SEL1L: variants seen among roughly 807,000 people sequenced by gnomAD.
SEL1L encodes the protein protein sel-1 homolog 1.
In SEL1L, 52 loss-of-function variants were observed where a neutral mutation model predicts 109.8. That is an observed-to-expected ratio of 0.47 (90% CI 0.38 to 0.60). The LOEUF (loss-of-function observed/expected upper bound fraction) is 0.60, where lower values mean the gene tolerates loss of function less well. Ranked by LOEUF, SEL1L falls within the 20% of genes least tolerant of loss-of-function variation. The pLI is 0.00. For missense variants in SEL1L, 749 were observed against 962.2 expected, an observed-to-expected ratio of 0.78 and a Z score of 2.93; for synonymous variants, 373 against 339.6, an observed-to-expected ratio of 1.10 and a Z score of -1.08.
At chr14:81,509,879 T>C (rs879487714) in intron 3 of SEL1L, among the ~76,000 whole-genome samples, 3 of 152,210 alleles carry the variant, frequency 2.0e-5, no homozygotes, top group Non-Finnish European at 2.9e-5. Flanking sequence ...AGAATACTTG[T>C]ACAGTATCCT....
intron 6 of SEL1L, among the ~76,000 whole-genome samples, chr14:81,502,322 T>G (rs1884049075): frequency 6.6e-6 from 1 of 152,186 alleles, no homozygotes; most frequent in Non-Finnish European, 1.5e-5. Context: ...ATTTCTAGTT[T>G]CCTATAATGG....
intron 3 of SEL1L, among the ~76,000 whole-genome samples, chr14:81,514,989 G>A (rs1384121305): frequency 6.6e-6 from 1 of 152,164 alleles, no homozygotes; most frequent in Non-Finnish European, 1.5e-5. Flanking sequence ...CATTGAAGGA[G>A]AATCCACAAC....
In SEL1L at chr14:81,489,327, G is replaced by T. The variant is rs756150359; in HGVS notation, c.1333-13C>A. 3 of 1,610,308 alleles carry T rather than the reference G, an allele frequency of 1.9e-6. No homozygotes were observed. The highest frequency in any genetic ancestry group is 4.5e-5 in the East Asian group (2 of 44,848). ...CAACTGGGTTGCCCTGCAAAGCAGA[G>T]AAATCAGACAAAAGAGTGAAAAGAA... On this transcript the variant is annotated splice_polypyrimidine_tract_variant and intron_variant, in intron 13 of 20. Coordinates refer to ENST00000336735, the MANE Select transcript of SEL1L (RefSeq NM_005065.6).
At chr14:81,483,906 T>A (rs564872087) in intron 19 of SEL1L, among the ~76,000 whole-genome samples, 2 of 152,138 alleles carry the variant, frequency 1.3e-5, no homozygotes, top group Non-Finnish European at 2.9e-5. Flanking sequence ...CAAAATAATT[T>A]GAAAAAAATA....
chr14:81,516,003 T>C (rs571898393), intron 3 of SEL1L, among the ~76,000 whole-genome samples: 1 of 152,256 alleles, frequency 6.6e-6, no homozygotes, highest in East Asian at 1.9e-4. Context: ...TGGGGCTTGT[T>C]ATCAGTGTGG....
intron 1 of SEL1L, among the ~76,000 whole-genome samples, chr14:81,533,317 A>C (rs1279951967): frequency 6.6e-6 from 1 of 152,194 alleles, no homozygotes; most frequent in East Asian, 1.9e-4. Flanking sequence ...TCCCAAGCCC[A>C]GAGTTCTAGA....
At chr14:81,532,199 C>A (rs973514780) in intron 1 of SEL1L, among the ~76,000 whole-genome samples, 1 of 152,194 alleles carries the variant, frequency 6.6e-6, no homozygotes, top group Non-Finnish European at 1.5e-5. Context: ...TTAAACTCTG[C>A]CAATTAAATT....
chr14:81,486,542 C>T (rs1001365526), intron 16 of SEL1L, 88 bp from the exon 17 acceptor site: 2 of 1,269,518 alleles, frequency 1.6e-6, no homozygotes, highest in Non-Finnish European at 2.2e-6. Context: ...TTACACATGA[C>T]TATTAAGCTT....
chr14:81,520,940 G>A (rs901923695), intron 3 of SEL1L, among the ~76,000 whole-genome samples: 37 of 152,196 alleles, frequency 2.4e-4, no homozygotes, highest in African/African-American at 8.7e-4. Context: ...GTTGAACTCT[G>A]GGCTGGAGCA....
In SEL1L at chr14:81,472,070, A is replaced by T. The variant is rs1247294142; in HGVS notation, c.*4902T>A. 2 of 152,360 alleles carry T rather than the reference A, an allele frequency of 1.3e-5. No homozygotes were observed. The highest frequency in any genetic ancestry group is 4.8e-5 in the African/African-American group (2 of 41,450). 9.4% of individuals were successfully genotyped at this position (152,360 alleles called of 1,614,324 possible). On this transcript the variant is annotated 3_prime_UTR_variant, in exon 21 of 21. Coordinates refer to ENST00000336735, the MANE Select transcript of SEL1L (RefSeq NM_005065.6). ...CAAGCTGGTATAACCAACCTAAACT[A>T]GCATCATAAAGGAAGTTAGGAAAGA... is the stretch of plus-strand genomic sequence containing the variant.
chr14:81,517,673 T>A (rs1184113482), intron 3 of SEL1L, among the ~76,000 whole-genome samples: 1 of 152,222 alleles, frequency 6.6e-6, no homozygotes, highest in Non-Finnish European at 1.5e-5. Context: ...TTAAAATAGC[T>A]TTATATTTTG....
rs1903286750 is a variant in SEL1L at position 81,479,721 on chromosome 14, C to T, written c.2066G>A (p.Arg689His). The T allele has an allele frequency of 6.2e-7, 1 of 1,613,314 alleles. No homozygotes were observed. The highest frequency in any genetic ancestry group is 8.5e-7 in the Non-Finnish European group (1 of 1,179,768). ...GIKQDIHLAK[R>H]FYDMAAEASP... ...GGCTTCAGCTGCCATGTCATAAAAA[C>T]GTTTCGCAAGGTGAATATCCTATAA... The change falls in exon 20 of 21, where the codon CGT becomes CAT. Residue 689 changes from arginine to histidine, a missense_variant. By Grantham distance (29) the Arg-to-His change is conservative. Around this residue, in one of 2 missense-constraint regions of SEL1L, gnomAD observed 383 missense variants for 562.5 expected, o/e 0.68. Transcript: ENST00000336735.
chr14:81,530,467 C>T (rs954502241), intron 1 of SEL1L, among the ~76,000 whole-genome samples: 8 of 152,142 alleles, frequency 5.3e-5, no homozygotes, highest in African/African-American at 1.9e-4. Flanking sequence ...ATTAAACATC[C>T]TCTGCTGTCT....
intron 3 of SEL1L, among the ~76,000 whole-genome samples, chr14:81,520,674 G>GA (rs1884872063): frequency 6.6e-6 from 1 of 152,184 alleles, no homozygotes; most frequent in African/African-American, 2.4e-5. Context: ...ATATGGTAAA[G>GA]AGAGACCTCT....
chr14:81,529,011 G>C (rs1400838719), intron 1 of SEL1L, among the ~76,000 whole-genome samples: 13 of 152,116 alleles, frequency 8.5e-5, no homozygotes, highest in South Asian at 6.2e-4. Flanking sequence ...ATATATGAAA[G>C]TGCTGTCAAG....
intron 1 of SEL1L, among the ~76,000 whole-genome samples, chr14:81,530,030 C>T (rs1038953030): frequency 6.6e-6 from 1 of 152,242 alleles, no homozygotes; most frequent in Admixed American, 6.5e-5. Context: ...ATTAACTGTA[C>T]ACCTTCCTTT....
chr14:81,533,580 C>CGGGGTCCCGAGCCT, intron 1 of SEL1L, 95 bp downstream of exon 1: 1 of 1,182,750 alleles, frequency 8.5e-7, no homozygotes, highest in Non-Finnish European at 1.2e-6. Context: ...CCAGGGAGAA[C>CGGGGTCCCGAGCCT]GGGGTCCCGA....
In SEL1L at chr14:81,481,025, G is replaced by C. The variant is rs74064921; in HGVS notation, c.2047-1285C>G. Among the ~76,000 whole-genome samples the C allele has an allele frequency of 2.0e-5, 3 of 152,164 alleles. No homozygotes were observed. In the South Asian group the frequency reaches 6.2e-4, roughly 32 times the overall value. The stretch of plus-strand genomic sequence containing the variant: ...TGTAGAAACCTCAGGGGCTACCACC[G>C]GAAGAGATACCTTGAAATACTGGTT... On this transcript the variant is annotated intron_variant, in intron 19 of 20. Transcript: ENST00000336735.
intron 1 of SEL1L, among the ~76,000 whole-genome samples, chr14:81,533,173 G>A (rs1256612107): frequency 6.6e-6 from 1 of 152,174 alleles, no homozygotes; most frequent in Non-Finnish European, 1.5e-5. Context: ...GAGATCAAAA[G>A]TCTTCGTTTT....
Sources: gnomAD v4.1 joint callset for allele counts (sites outside exome capture counted in the v4.1 genomes callset) on GRCh38, gnomAD v4.1.1 for gene constraint, gnomAD v4.1.1 regional missense constraint, MANE v1.5 for transcripts, NCBI Gene and HGNC (gene_info 2026-07-23, HGNC 2026-07-21) for gene names.